FAM13B: variants seen among roughly 807,000 people sequenced by gnomAD.
FAM13B encodes the protein protein FAM13B.
FAM13B carries 60 observed loss-of-function variants against 117.3 expected under a neutral mutation model. That is an observed-to-expected ratio of 0.51 (90% CI 0.42 to 0.63). The LOEUF is 0.63. FAM13B is among the 30% of genes least tolerant of loss of function. The probability of loss-of-function intolerance (pLI) is 0.00; values close to 1 mark genes in which losing one functional copy is unlikely to be tolerated. For synonymous variants in FAM13B, 332 were observed against 356.1 expected, an observed-to-expected ratio of 0.93 and a Z score of 0.76; for missense variants, 972 against 1,091.9, an observed-to-expected ratio of 0.89 and a Z score of 1.55.
chr5:138,026,032 C>T (rs1239675010), intron 1 of FAM13B, among the ~76,000 whole-genome samples: 1 of 152,156 alleles, frequency 6.6e-6, no homozygotes, highest in Non-Finnish European at 1.5e-5. Flanking sequence ...GCACCAATAT[C>T]AATACTATAG....
At chr5:137,971,271 A>G (rs1407925184) in intron 10 of FAM13B, among the ~76,000 whole-genome samples, 4 of 151,766 alleles carry the variant, frequency 2.6e-5, no homozygotes, top group African/African-American at 9.7e-5. Context: ...CTCTCAGACC[A>G]CAGTGCAATC....
rs1766589820 is a variant in FAM13B, at chr5:137,956,473, T to C, written c.1507+4A>G. The C allele has an allele frequency of 1.3e-6, 2 of 1,593,106 alleles. No individual in the cohort carries two copies. The highest frequency in any genetic ancestry group is 1.7e-6 in the Non-Finnish European group (2 of 1,168,374). ...AAAACTAAACTATGGTGAACCATACTTACCCTCCCCATCTCTCTGCAGATG... is the reference window on the plus strand; with the variant it reads ...AAAACTAAACTATGGTGAACCATACCTACCCTCCCCATCTCTCTGCAGATG... On this transcript the variant is annotated splice_donor_region_variant and intron_variant, in intron 14 of 23. Coordinates refer to ENST00000689681, the MANE Select transcript of FAM13B (RefSeq NM_001385994.1).
Position 138,018,476 on chromosome 5 carries a change from T to G in FAM13B, c.196A>C (p.Asn66His). The G allele has an allele frequency of 6.2e-7, 1 of 1,614,162 alleles. No individual in the cohort carries two copies. The highest frequency in any genetic ancestry group is 8.5e-7 in the Non-Finnish European group (1 of 1,180,008). Residue 66 changes from asparagine (N) to histidine (H), a missense_variant, in exon 4 of 24, where the codon AAT (asparagine) becomes CAT (histidine). Asn to His is a moderately conservative substitution (Grantham distance 68, BLOSUM62 1). Coordinates refer to ENST00000689681, the MANE Select transcript of FAM13B (RefSeq NM_001385994.1). ...CGAAGCCACTCCACTGTCTCAGCATTTCCATTGACTTGAAAAAGTCCTTGT... is the reference window on the plus strand; with the variant it reads ...CGAAGCCACTCCACTGTCTCAGCATGTCCATTGACTTGAAAAAGTCCTTGT... ...EQQGLFQVNG[N>H]AETVEWLRQR...
Position 137,942,900 on chromosome 5 carries a change from A to G in FAM13B, c.2563T>C (p.Leu855=), listed in dbSNP as rs1177415513. The G allele has an allele frequency of 4.3e-6, 7 of 1,611,020 alleles. No individual in the cohort carries two copies. In the South Asian group the frequency reaches 7.8e-5, roughly 18 times the overall value. ...ATAGAAGCTGCTCGAGAACTTGACAATCGGAGATCCAGAGCCAGTTTTTCT... is the reference window on the plus strand; with the variant it reads ...ATAGAAGCTGCTCGAGAACTTGACAGTCGGAGATCCAGAGCCAGTTTTTCT... ...NQEKLALDLR[L]SSSRAASMPE... The change falls in exon 22 of 24, where the codon TTG becomes CTG. Residue 855 remains leucine, a synonymous_variant. Transcript: ENST00000689681.
chr5:137,992,900 C>T (rs576362128), intron 7 of FAM13B, among the ~76,000 whole-genome samples: 4 of 152,202 alleles, frequency 2.6e-5, no homozygotes, highest in South Asian at 2.1e-4. Context: ...TGTATAAGAA[C>T]GTATATAATA....
At chr5:138,009,125 G>A (rs950496800) in intron 6 of FAM13B, among the ~76,000 whole-genome samples, 1 of 152,226 alleles carries the variant, frequency 6.6e-6, no homozygotes, top group Non-Finnish European at 1.5e-5. Flanking sequence ...GGGAAACACA[G>A]CAAGACTTTG....
chr5:137,940,121 TCTGAGTGC>T lies in FAM13B; in HGVS notation c.*96_*103del. ...CACAACCAAGTACAAAATGAGATTCTCTGAGTGCCTGACAAAACGAATTTAAGTACCAG... is the reference window on the plus strand; with the variant it reads ...CACAACCAAGTACAAAATGAGATTCTCTGACAAAACGAATTTAAGTACCAG... On this transcript the variant is annotated 3_prime_UTR_variant, in exon 24 of 24. Coordinates refer to ENST00000689681, the MANE Select transcript of FAM13B (RefSeq NM_001385994.1). The T allele has an allele frequency of 6.2e-7, 1 of 1,614,134 alleles. No individual in the cohort carries two copies.
At chr5:138,045,274 C>T (rs1791609172) in intron 1 of FAM13B, among the ~76,000 whole-genome samples, 1 of 152,186 alleles carries the variant, frequency 6.6e-6, no homozygotes. Flanking sequence ...TGGCTCATAC[C>T]TGTAATCCTA....
intron 10 of FAM13B, among the ~76,000 whole-genome samples, chr5:137,963,308 C>T (rs1052116385): frequency 6.6e-6 from 1 of 152,226 alleles, no homozygotes; most frequent in African/African-American, 2.4e-5. Flanking sequence ...ATCCAGCTGT[C>T]TTCTGTAAGT....
At chr5:138,036,263 T>C (rs941543834), upstream of FAM13B, 28 of 367,576 alleles carry the variant, frequency 7.6e-5, no homozygotes, top group Non-Finnish European at 1.4e-4. Context: ...AAGCAAAGCG[T>C]CTGGACGAAG....
chr5:137,944,308 T>C (rs1028701787), intron 20 of FAM13B, among the ~76,000 whole-genome samples: 1 of 152,096 alleles, frequency 6.6e-6, no homozygotes, highest in African/African-American at 2.4e-5. Context: ...GGTATATATA[T>C]CCAAAAGAAA....
At chr5:137,978,331 G>C (rs1774633368) in intron 10 of FAM13B, among the ~76,000 whole-genome samples, 1 of 151,744 alleles carries the variant, frequency 6.6e-6, no homozygotes, top group Admixed American at 6.6e-5. Context: ...GAAATTTCTG[G>C]ATCAAAGGTT....
intron 10 of FAM13B, among the ~76,000 whole-genome samples, chr5:137,970,304 T>C (rs1348661870): frequency 1.3e-5 from 2 of 151,908 alleles, no homozygotes; most frequent in African/African-American, 4.8e-5. Flanking sequence ...GGGGCCAATA[T>C]TCAACATTCT....
chr5:137,949,297 G>T, intron 17 of FAM13B, 113 bp from the exon 18 acceptor site: 1 of 780,482 alleles, frequency 1.3e-6, no homozygotes, highest in Non-Finnish European at 2.1e-6. Flanking sequence ...CACAGACTTA[G>T]ATATTTCAAA....
rs1236628445 is a variant in FAM13B at position 138,002,244 on chromosome 5, G to A, written c.848+4746C>T. 2.6e-5 allele frequency among the ~76,000 whole-genome samples: 4 copies of A among 152,278 alleles called. No homozygotes were observed. In the South Asian group the frequency reaches 6.2e-4, roughly 24 times the overall value. On this transcript the variant is annotated intron_variant, in intron 7 of 23. Coordinates refer to ENST00000689681, the MANE Select transcript of FAM13B (RefSeq NM_001385994.1). ...GGGATTAGAAATAATATACTTCAATGGAAGTTGGGTGCAGTGGCTCACACC... is the reference window on the plus strand; with the variant it reads ...GGGATTAGAAATAATATACTTCAATAGAAGTTGGGTGCAGTGGCTCACACC...
At chr5:138,034,836 G>T (rs1049938265), upstream of FAM13B, among the ~76,000 whole-genome samples, 1 of 151,852 alleles carries the variant, frequency 6.6e-6, no homozygotes, top group East Asian at 1.9e-4. Context: ...TCATAAGTGC[G>T]TAAAAGTCTT....
chr5:137,977,152 G>T (rs1442826815), intron 10 of FAM13B, among the ~76,000 whole-genome samples: 1 of 152,114 alleles, frequency 6.6e-6, no homozygotes, highest in African/African-American at 2.4e-5. Context: ...GATGAAATAA[G>T]CCCCAGTCTC....
intron 17 of FAM13B, among the ~76,000 whole-genome samples, chr5:137,950,331 T>C (rs1035031757): frequency 1.3e-5 from 2 of 152,162 alleles, no homozygotes; most frequent in African/African-American, 2.4e-5. Flanking sequence ...ACAAAGGATT[T>C]AGTGGAAGGG....
rs760443474 is a variant in FAM13B at position 137,946,502 on chromosome 5, T to C, written c.2161-191A>G. 89 of 488,710 alleles carry C rather than the reference T, an allele frequency of 1.8e-4. 1 individual carries two copies. The highest frequency in any genetic ancestry group is 2.7e-4 in the Non-Finnish European group (77 of 281,872). 30.3% of individuals were successfully genotyped at this position (488,710 alleles called of 1,614,324 possible). ...GCAAAATTTTCAGTCTCCTGTACAA[T>C]TTGCTCTTATAATAAGTAGGTACCA... is the stretch of plus-strand genomic sequence containing the variant. On this transcript the variant is annotated intron_variant, in intron 18 of 23. Transcript: ENST00000689681.
Sources: gnomAD v4.1 joint callset for allele counts (sites outside exome capture counted in the v4.1 genomes callset) on GRCh38, gnomAD v4.1.1 for gene constraint, MANE v1.5 for transcripts, NCBI Gene and HGNC (gene_info 2026-07-23, HGNC 2026-07-21) for gene names.